YTHDC1: variants seen among roughly 807,000 people sequenced by gnomAD.
YTHDC1 encodes YTH N6-methyladenosine RNA binding protein C1.
In YTHDC1, 12 loss-of-function variants were observed where a neutral mutation model predicts 107.0. The observed-to-expected ratio is 0.11, with a 90% confidence interval of 0.07 to 0.18. YTHDC1 has a LOEUF of 0.18. Ranked by LOEUF, YTHDC1 falls within the 10% of genes least tolerant of loss-of-function variation. The pLI, the probability that YTHDC1 is intolerant of heterozygous loss-of-function variation, is 1.00. For missense variants in YTHDC1, 635 were observed against 898.8 expected, an observed-to-expected ratio of 0.71 and a Z score of 3.75; for synonymous variants, 280 against 289.5, an observed-to-expected ratio of 0.97 and a Z score of 0.33.
intron 1 of YTHDC1, among the ~76,000 whole-genome samples, chr4:68,347,881 C>T (rs74516672): frequency 0.066 from 10,099 of 152,124 alleles, 499 homozygotes; most frequent in Middle Eastern, 0.15. Flanking sequence ...ACGAAATAAA[C>T]AATTCCAGTA....
At chr4:68,321,673 TCCTACC>T (rs1490447120) in intron 11 of YTHDC1, among the ~76,000 whole-genome samples, 26 of 152,292 alleles carry the variant, frequency 1.7e-4, no homozygotes, top group African/African-American at 6.3e-4. Flanking sequence ...CCAGGTTTCC[TCCTACC>T]TACTCGACAG....
chr4:68,319,996 AT>A, intron 12 of YTHDC1, 126 bp downstream of exon 12: 1 of 749,184 alleles, frequency 1.3e-6, no homozygotes, highest in South Asian at 1.7e-5. Flanking sequence ...ATTTCTCAAG[AT>A]TTAAGTAGTC....
Position 68,349,783 on chromosome 4 carries a change from C to T in YTHDC1, c.-30G>A, listed in dbSNP as rs1226926525. On this transcript the variant is annotated 5_prime_UTR_variant, in exon 1 of 17. Transcript: ENST00000344157. Reference sequence around the variant, plus strand: ...CCCCTTCGGTTTCCGCCGCTGCCACCGCCGCCGCCGCTTAGACGCGACTCG... The same window carrying T: ...CCCCTTCGGTTTCCGCCGCTGCCACTGCCGCCGCCGCTTAGACGCGACTCG... The T allele has an allele frequency of 6.2e-6, 10 of 1,611,848 alleles. No homozygotes were observed. Among genetic ancestry groups the T allele is most frequent in the Non-Finnish European group, 8.5e-6 (10 of 1,179,440 alleles).
rs1721511558 is a variant in YTHDC1, at chr4:68,313,827, GAGAA to G, written c.*268_*271del. 6.6e-6 allele frequency: 3 copies of G among 452,270 alleles called. 1 individual carries two copies. In the South Asian group the frequency reaches 1.1e-4, roughly 17 times the overall value. The allele number at this position is 452,270 out of a possible 1,614,324, so 28.0% of individuals were successfully genotyped here. A position where few individuals can be genotyped will look rare whatever the true frequency, so the allele number is the denominator to read the frequency against. ...TGAACACACTATAAGAACATTTATG[GAGAA>G]AGAATCAGTATCTACATTCTTGGAC... On this transcript the variant is annotated 3_prime_UTR_variant, in exon 17 of 17. Transcript: ENST00000344157.
In YTHDC1 at chr4:68,311,675, G is replaced by A; in HGVS notation, c.*2424C>T. 1 of 152,318 alleles carries A rather than the reference G, an allele frequency of 6.6e-6. No individual in the cohort carries two copies. Among genetic ancestry groups the A allele is most frequent in the Admixed American group, 6.5e-5 (1 of 15,304 alleles). The allele number at this position is 152,318 out of a possible 1,614,324, so 9.4% of individuals were successfully genotyped here. A position where few individuals can be genotyped will look rare whatever the true frequency, so the allele number is the denominator to read the frequency against. On this transcript the variant is annotated 3_prime_UTR_variant, in exon 17 of 17. Transcript: ENST00000344157. Reference sequence around the variant, plus strand: ...AATTAGGAAAGGAGAAAACAGTGATGATTATGTGAGCCAACAGAATTGTTT... The same window carrying A: ...AATTAGGAAAGGAGAAAACAGTGATAATTATGTGAGCCAACAGAATTGTTT...
Position 68,310,954 on chromosome 4 carries a change from C to CA in YTHDC1, c.*3144dup. 6.6e-6 allele frequency: 1 copy of CA among 152,244 alleles called. No individual in the cohort carries two copies. The highest frequency in any genetic ancestry group is 1.9e-4 in the East Asian group (1 of 5,180). The allele number at this position is 152,244 out of a possible 1,614,324, so 9.4% of individuals were successfully genotyped here. On this transcript the variant is annotated 3_prime_UTR_variant, in exon 17 of 17. Coordinates refer to ENST00000344157, the MANE Select transcript of YTHDC1 (RefSeq NM_001031732.4). Reference sequence around the variant, plus strand: ...GTGATGGCAAAATACTCTGAAAAGTCAAACATTCAGGTGTTATAACTTGTA... The same window carrying CA: ...GTGATGGCAAAATACTCTGAAAAGTCAAAACATTCAGGTGTTATAACTTGTA...
intron 9 of YTHDC1, among the ~76,000 whole-genome samples, chr4:68,329,132 A>C (rs555012887): frequency 6.8e-4 from 104 of 152,074 alleles, no homozygotes; most frequent in Non-Finnish European, 1.2e-3. Context: ...ACTCACATTC[A>C]TTCATTCTTA....
Position 68,333,269 on chromosome 4 carries a change from A to G in YTHDC1, c.973+39T>C, listed in dbSNP as rs754113287. ...CCACACGCTTTCTAAAGCAGATTACATTAGAATCAAGTCAGATATGATCAC... is the reference window on the plus strand; with the variant it reads ...CCACACGCTTTCTAAAGCAGATTACGTTAGAATCAAGTCAGATATGATCAC... On this transcript the variant is annotated intron_variant, in intron 5 of 16. Coordinates refer to ENST00000344157, the MANE Select transcript of YTHDC1 (RefSeq NM_001031732.4). 9 of 1,486,134 alleles carry G rather than the reference A, an allele frequency of 6.1e-6. No homozygotes were observed. The Admixed American group carries it at 1.3e-4, about 21-fold the overall frequency. 92.1% of individuals were successfully genotyped at this position (1,486,134 alleles called of 1,614,324 possible). A position where few individuals can be genotyped will look rare whatever the true frequency, so the allele number is the denominator to read the frequency against.
chr4:68,342,590 C>A (rs1047303251), intron 1 of YTHDC1, among the ~76,000 whole-genome samples: 2 of 152,068 alleles, frequency 1.3e-5, no homozygotes, highest in African/African-American at 2.4e-5. Context: ...TAATTATATA[C>A]TTGAGGTGCA....
intron 9 of YTHDC1, among the ~76,000 whole-genome samples, chr4:68,325,208 G>A (rs1341911393): frequency 6.6e-6 from 1 of 151,976 alleles, no homozygotes; most frequent in Admixed American, 6.5e-5. Context: ...CATAGCCATC[G>A]AAGAAAAATA....
At chr4:68,338,754 G>T (rs1724500996) in intron 1 of YTHDC1, among the ~76,000 whole-genome samples, 1 of 152,140 alleles carries the variant, frequency 6.6e-6, no homozygotes, top group African/African-American at 2.4e-5. Context: ...GAAGGCTCAG[G>T]GACAAGAATC....
chr4:68,314,349 G>A, intron 16 of YTHDC1, 26 bp from the exon 17 acceptor site: 2 of 1,610,522 alleles, frequency 1.2e-6, no homozygotes, highest in Non-Finnish European at 1.7e-6. Flanking sequence ...AATGTGTTAG[G>A]TATGTCAAAA....
intron 4 of YTHDC1, among the ~76,000 whole-genome samples, chr4:68,336,602 T>C (rs1724197403): frequency 6.6e-6 from 1 of 152,172 alleles, no homozygotes; most frequent in South Asian, 2.1e-4. Flanking sequence ...AAATAATCTG[T>C]TTTGATTCTG....
intron 16 of YTHDC1, among the ~76,000 whole-genome samples, chr4:68,314,894 G>C (rs966719792): frequency 6.6e-6 from 1 of 152,118 alleles, no homozygotes; most frequent in Non-Finnish European, 1.5e-5. Flanking sequence ...TCTACTCTTA[G>C]TTCTCAGCTT....
chr4:68,318,318 G>C (rs961452016), intron 15 of YTHDC1, among the ~76,000 whole-genome samples: 10 of 152,120 alleles, frequency 6.6e-5, no homozygotes, highest in Non-Finnish European at 1.0e-4. Context: ...GTGTTGGCCA[G>C]GCTGGTCTCG....
In YTHDC1 at chr4:68,332,213, A is replaced by G. The variant is rs751877827; in HGVS notation, c.1028-16T>C. 1.3e-6 allele frequency: 2 copies of G among 1,555,136 alleles called. No individual in the cohort carries two copies. Among genetic ancestry groups the G allele is most frequent in the African/African-American group, 2.8e-5 (2 of 72,296 alleles). Reference sequence around the variant, plus strand: ...CTGGTTTGATCTGAAAAAAAAAGAAACCCAAATCGATTAACCACAAGCCAT... The same window carrying G: ...CTGGTTTGATCTGAAAAAAAAAGAAGCCCAAATCGATTAACCACAAGCCAT... On this transcript the variant is annotated splice_polypyrimidine_tract_variant and intron_variant, in intron 6 of 16. Coordinates refer to ENST00000344157, the MANE Select transcript of YTHDC1 (RefSeq NM_001031732.4).
rs1387511574 is a variant in YTHDC1, at chr4:68,333,403, A to G, written c.884-6T>C. On this transcript the variant is annotated splice_region_variant and splice_polypyrimidine_tract_variant and intron_variant, in intron 4 of 16. Coordinates refer to ENST00000344157, the MANE Select transcript of YTHDC1 (RefSeq NM_001031732.4). ...CCTTTCCTTCTTTTTCTCATCTAAA[A>G]AGAACAAGAGTTTTTTTTTTAAATC... 2 of 1,596,578 alleles carry G rather than the reference A, an allele frequency of 1.3e-6. No homozygotes were observed. Among genetic ancestry groups the G allele is most frequent in the Non-Finnish European group, 1.7e-6 (2 of 1,170,736 alleles).
Position 68,349,810 on chromosome 4 carries a change from G to A in YTHDC1, c.-57C>T, listed in dbSNP as rs1224890477. On this transcript the variant is annotated 5_prime_UTR_variant, in exon 1 of 17. Coordinates refer to ENST00000344157, the MANE Select transcript of YTHDC1 (RefSeq NM_001031732.4). ...CCGCCGCCGCTTAGACGCGACTCGC[G>A]CGGGCGCCGCAGCCGCGGCAGAAGC... is the stretch of plus-strand genomic sequence containing the variant. 4 of 1,609,908 alleles carry A rather than the reference G, an allele frequency of 2.5e-6. No individual in the cohort carries two copies. The highest frequency in any genetic ancestry group is 1.7e-5 in the Admixed American group (1 of 59,842).
chr4:68,332,937 C>G, intron 5 of YTHDC1, 90 bp from the exon 6 acceptor site: 1 of 1,139,388 alleles, frequency 8.8e-7, no homozygotes, highest in East Asian at 2.4e-5. Flanking sequence ...AATTCTCATT[C>G]AAGACAAATT....
Sources: allele counts gnomAD v4.1 joint callset (sites outside exome capture counted in the v4.1 genomes callset), GRCh38; gene constraint gnomAD v4.1.1; transcripts MANE v1.5; gene names NCBI Gene and HGNC (gene_info 2026-07-23, HGNC 2026-07-21).